FILIP1: variants seen among roughly 807,000 people sequenced by gnomAD.
FILIP1 encodes filamin A interacting protein 1.
A neutral mutation model predicts 102.1 loss-of-function variants in FILIP1; 61 were observed. The observed-to-expected ratio is 0.60, with a 90% CI of 0.49 to 0.74. The LOEUF is 0.74. Among genes scored for constraint, FILIP1 ranks in the 30% least tolerant of loss-of-function variants. The pLI, the probability that FILIP1 is intolerant of heterozygous loss-of-function variation, is 0.00. For missense variants in FILIP1, 1,314 were observed against 1,441.2 expected (o/e 0.91, Z 1.43); for synonymous variants, 491 against 526.9 (o/e 0.93, Z 0.93).
In FILIP1 at chr6:75,367,699, TAATC is replaced by T. The variant is rs1775384706; in HGVS notation, c.277-4786_277-4783del. 2.6e-5 allele frequency: 4 copies of T among 152,276 alleles called. No homozygotes were observed. The South Asian group carries it at 8.3e-4, about 32-fold the overall frequency. 9.4% of individuals were successfully genotyped at this position (152,276 alleles called of 1,614,324 possible). ...AGTCAATCAATAATATTGTGGTATC[TAATC>T]AATATATTAATGAAGACGACTATGT... On this transcript the variant is annotated intron_variant, in intron 2 of 5. Transcript: ENST00000237172.
At chr6:75,369,381 G>A (rs548563608) in intron 2 of FILIP1, among the ~76,000 whole-genome samples, 47 of 152,242 alleles carry the variant, frequency 3.1e-4, no homozygotes, top group Non-Finnish European at 5.7e-4. Flanking sequence ...GACAAACACC[G>A]GTCAGAAAGA....
downstream of FILIP1, among the ~76,000 whole-genome samples, chr6:75,305,110 C>G (rs1772943080): frequency 6.6e-6 from 1 of 152,088 alleles, no homozygotes; most frequent in African/African-American, 2.4e-5. Flanking sequence ...TGATGAGACC[C>G]TAAAGAGACA....
At chr6:75,341,989 T>C (rs1165208965) in intron 4 of FILIP1, among the ~76,000 whole-genome samples, 1 of 152,208 alleles carries the variant, frequency 6.6e-6, no homozygotes, top group Non-Finnish European at 1.5e-5. Context: ...TATATATTCA[T>C]TATCTCATGA....
chr6:75,386,559 A>G (rs1241635794), intron 2 of FILIP1, among the ~76,000 whole-genome samples: 3 of 152,160 alleles, frequency 2.0e-5, no homozygotes, highest in Admixed American at 2.0e-4. Flanking sequence ...TTTTGGAGAT[A>G]GTGTCACATT....
At chr6:75,472,253 G>GTT in intron 1 of FILIP1, among the ~76,000 whole-genome samples, 1 of 151,886 alleles carries the variant, frequency 6.6e-6, no homozygotes, top group Non-Finnish European at 1.5e-5. Flanking sequence ...TTATTTTTGG[G>GTT]GGCCATGTTT....
chr6:75,487,861 G>A (rs2149786394), intron 1 of FILIP1, among the ~76,000 whole-genome samples: 1 of 152,150 alleles, frequency 6.6e-6, no homozygotes, highest in Middle Eastern at 3.4e-3. Context: ...CTATTTTCAA[G>A]GGCAGACTAT....
chr6:75,344,397 C>A lies in FILIP1; in HGVS notation c.629+9142G>T, dbSNP rs571511811. 2.0e-5 allele frequency among the ~76,000 whole-genome samples: 3 copies of A among 152,300 alleles called. No homozygotes were observed. In the East Asian group the frequency reaches 5.8e-4, roughly 29 times the overall value. ...CTTTGTTCACCACACATTATTTTAT[C>A]AATTTGAGTCAACATTGAAAAACTG... On this transcript the variant is annotated intron_variant, in intron 4 of 5. Transcript: ENST00000237172.
At chr6:75,407,782 A>C (rs1195263177) in intron 2 of FILIP1, among the ~76,000 whole-genome samples, 1 of 152,220 alleles carries the variant, frequency 6.6e-6, no homozygotes, top group East Asian at 1.9e-4. Flanking sequence ...AACCAAATTT[A>C]GATCGTTTTT....
At chr6:75,354,324 G>C (rs568011442) in intron 3 of FILIP1, among the ~76,000 whole-genome samples, 1 of 152,284 alleles carries the variant, frequency 6.6e-6, no homozygotes, top group South Asian at 2.1e-4. Flanking sequence ...TGTAATCCCA[G>C]CACGTGGGGA....
At chr6:75,426,496 T>TA (rs1777630686) in intron 1 of FILIP1, among the ~76,000 whole-genome samples, 1 of 151,956 alleles carries the variant, frequency 6.6e-6, no homozygotes, top group African/African-American at 2.4e-5. Context: ...CCACTAAGTA[T>TA]ACAGAGGAGA....
At chr6:75,414,083 A>G (rs556368873) in intron 2 of FILIP1, among the ~76,000 whole-genome samples, 197 of 149,398 alleles carry the variant, frequency 1.3e-3, no homozygotes, top group African/African-American at 4.7e-3. Flanking sequence ...TATTGTGATC[A>G]TACGAGATAG....
chr6:75,314,314 C>A lies in FILIP1; in HGVS notation c.1518G>T (p.Val506=). ...TATTTTTCCTTTCATCAACCAGCAT[C>A]ACGGTAAATGACTTCAACTTGGTAA... The part of the protein sequence containing the change: ...DDLTKLKSFT[V]MLVDERKNMM... The change falls in exon 5 of 6, where the codon GTG becomes GTT. Residue 506 remains valine, a synonymous_variant. Coordinates refer to ENST00000237172, the MANE Select transcript of FILIP1 (RefSeq NM_015687.5). 1.3e-6 allele frequency: 2 copies of A among 1,524,522 alleles called. No individual in the cohort carries two copies. The highest frequency in any genetic ancestry group is 1.7e-6 in the Non-Finnish European group (2 of 1,146,990). 94.4% of individuals were successfully genotyped at this position (1,524,522 alleles called of 1,614,324 possible).
Position 75,386,733 on chromosome 6 carries a change from T to C in FILIP1, c.277-23816A>G, listed in dbSNP as rs9447473. On this transcript the variant is annotated intron_variant, in intron 2 of 5. Coordinates refer to ENST00000237172, the MANE Select transcript of FILIP1 (RefSeq NM_015687.5). ...GAAAACAATTACGTAACTCTGATTTTGCAGCTGCTAAAGTGGAGGCACTTG... is the reference window on the plus strand; with the variant it reads ...GAAAACAATTACGTAACTCTGATTTCGCAGCTGCTAAAGTGGAGGCACTTG... Among the ~76,000 whole-genome samples the C allele has an allele frequency of 3.3e-3, 509 of 152,306 alleles. 4 individuals are homozygous for C. Among genetic ancestry groups the C allele is most frequent in the African/African-American group, 0.011 (478 of 41,570 alleles).
chr6:75,408,431 A>G lies in FILIP1; in HGVS notation c.276+6266T>C, dbSNP rs572286449. Among the ~76,000 whole-genome samples, 4 of 152,344 alleles carry G rather than the reference A, an allele frequency of 2.6e-5. No homozygotes were observed. In the East Asian group the frequency reaches 7.7e-4, roughly 29 times the overall value. On this transcript the variant is annotated intron_variant, in intron 2 of 5. Coordinates refer to ENST00000237172, the MANE Select transcript of FILIP1 (RefSeq NM_015687.5). Reference sequence around the variant, plus strand: ...AAGGTGCACTTCAGGAGTTCACGGGATACCTGGACTGGCAAACAAAACAGC... The same window carrying G: ...AAGGTGCACTTCAGGAGTTCACGGGGTACCTGGACTGGCAAACAAAACAGC...
intron 1 of FILIP1, among the ~76,000 whole-genome samples, chr6:75,430,164 C>T (rs1028456132): frequency 6.6e-6 from 1 of 152,166 alleles, no homozygotes; most frequent in African/African-American, 2.4e-5. Context: ...TCCCCCTTCA[C>T]TTCTCTCTCC....
chr6:75,379,053 C>T (rs1761890684), intron 2 of FILIP1, among the ~76,000 whole-genome samples: 1 of 152,162 alleles, frequency 6.6e-6, no homozygotes, highest in South Asian at 2.1e-4. Context: ...GATCATCGAA[C>T]TTAATGCTTT....
At chr6:75,416,945 CA>C (rs1180701824) in intron 1 of FILIP1, among the ~76,000 whole-genome samples, 1 of 152,080 alleles carries the variant, frequency 6.6e-6, no homozygotes, top group Non-Finnish European at 1.5e-5. Context: ...TGCAAACATA[CA>C]GAAAATAATC....
At chr6:75,409,383 C>T (rs970898381) in intron 2 of FILIP1, among the ~76,000 whole-genome samples, 5 of 152,122 alleles carry the variant, frequency 3.3e-5, no homozygotes, top group Admixed American at 3.3e-4. Context: ...ACCTCCTTTG[C>T]AAAGATTATG....
Position 75,314,809 on chromosome 6 carries a change from T to C in FILIP1, c.1023A>G (p.Arg341=). 6.2e-7 allele frequency: 1 copy of C among 1,614,014 alleles called. No homozygotes were observed. Among genetic ancestry groups the C allele is most frequent in the Non-Finnish European group, 8.5e-7 (1 of 1,180,010 alleles). Residue 341 remains arginine, a synonymous_variant, in exon 5 of 6, where the codon AGA becomes AGG. Coordinates refer to ENST00000237172, the MANE Select transcript of FILIP1 (RefSeq NM_015687.5). The part of the protein sequence containing the change: ...LRLKLVGLTQ[R]IEELEETNKN... ...TGTTGGTCTCTTCTAGCTCCTCGAT[T>C]CTTTGGGTTAAGCCAACCAGCTTGA...
Sources: gnomAD v4.1 joint callset for allele counts (sites outside exome capture counted in the v4.1 genomes callset) on GRCh38, gnomAD v4.1.1 for gene constraint, MANE v1.5 for transcripts, NCBI Gene and HGNC (gene_info 2026-07-23, HGNC 2026-07-21) for gene names.